Variants in DBX1 observed in about 807,000 individuals in gnomAD.
DBX1 encodes developing brain homeobox 1, also known as homeobox protein DBX1.
In DBX1, 10 loss-of-function variants were observed where a neutral mutation model predicts 20.8. That is an observed-to-expected ratio of 0.48 (90% confidence interval 0.30 to 0.82). The LOEUF (loss-of-function observed/expected upper bound fraction) is 0.82. DBX1 is among the 40% of genes least tolerant of loss of function. The pLI is 0.07. For missense variants in DBX1, 505 were observed against 468.8 expected (o/e 1.08, Z -0.71); for synonymous variants, 241 against 213.9 (o/e 1.13, Z -1.11).
chr11:20,157,111 A>G lies in DBX1; in HGVS notation c.598T>C (p.Phe200Leu). The change falls in exon 3 of 4, where the codon TTC (phenylalanine) becomes CTC (leucine). Residue 200 changes from phenylalanine to leucine, a missense_variant. Phe to Leu is a conservative substitution (Grantham distance 22). Coordinates refer to ENST00000524983, the MANE Select transcript of DBX1 (RefSeq NM_001029865.4). ...DVQRKALEKM[F>L]QKQKYISKPD... Reference sequence around the variant, plus strand: ...TTGCTGATGTACTTCTGCTTCTGGAACATCTTCTCCAGCGCCTTCCGCTGC... The same window carrying G: ...TTGCTGATGTACTTCTGCTTCTGGAGCATCTTCTCCAGCGCCTTCCGCTGC... The G allele has an allele frequency of 6.2e-7, 1 of 1,613,834 alleles. No individual in the cohort carries two copies. The highest frequency in any genetic ancestry group is 8.5e-7 in the Non-Finnish European group (1 of 1,179,978).
Position 20,160,037 on chromosome 11 carries a change from C to T in DBX1, c.288G>A (p.Pro96=), listed in dbSNP as rs745307504. The change falls in exon 1 of 4, where the codon CCG becomes CCA. Residue 96 remains proline (P), a synonymous_variant. Transcript: ENST00000524983. The stretch of plus-strand genomic sequence containing the variant: ...TCTCGCTGGCAGGGGAGAAGGCAGT[C>T]GGCGGAGAGCCGCCCCGTCGGCTGC... ...GPGSRRGGSP[P]TAFSPASETT... 11 of 1,599,278 alleles carry T rather than the reference C, an allele frequency of 6.9e-6. No homozygotes were observed. Among genetic ancestry groups the T allele is most frequent in the South Asian group, 4.5e-5 (4 of 88,880 alleles).
At chr11:20,158,858 G>T (rs939550061) in intron 2 of DBX1, among the ~76,000 whole-genome samples, 1 of 152,120 alleles carries the variant, frequency 6.6e-6, no homozygotes, top group African/African-American at 2.4e-5. Context: ...GTGGGGAATC[G>T]TGGCCAAGTG....
Position 20,156,262 on chromosome 11 carries a change from G to A in DBX1, c.984C>T (p.Ser328=). The change falls in exon 4 of 4, where the codon TCC becomes TCT. Residue 328 remains serine, a synonymous_variant. Coordinates refer to ENST00000524983, the MANE Select transcript of DBX1 (RefSeq NM_001029865.4). This position sits in a 1 kb window ranked among gnomAD's most constrained non-coding sequence, Gnocchi z 4.8. The part of the protein sequence containing the change: ...SPGKPSDFSD[S]EEEEEGEEQE... ...GTTCCTCGCCCTCCTCTTCCTCCTC[G>A]GAATCTGAGAAGTCCGAAGGTTTCC... The A allele has an allele frequency of 6.6e-7, 1 of 1,521,262 alleles. No individual in the cohort carries two copies. The highest frequency in any genetic ancestry group is 1.3e-5 in the South Asian group (1 of 75,460). 94.2% of individuals were successfully genotyped at this position (1,521,262 alleles called of 1,614,324 possible).
chr11:20,156,962 C>T lies in DBX1; in HGVS notation c.672+75G>A, dbSNP rs533529562. The T allele has an allele frequency of 6.0e-6, 9 of 1,506,526 alleles. No individual in the cohort carries two copies. Among genetic ancestry groups the T allele is most frequent in the South Asian group, 4.7e-5 (4 of 84,712 alleles). The allele number at this position is 1,506,526 out of a possible 1,614,324, so 93.3% of individuals were successfully genotyped here. A position where few individuals can be genotyped will look rare whatever the true frequency, so the allele number is the denominator to read the frequency against. ...GTGGGACCTAAGCCGTTTCCGAACC[C>T]TTGCAATTGACGGGTGCGCCGGGGA... is the stretch of plus-strand genomic sequence containing the variant. On this transcript the variant is annotated intron_variant, in intron 3 of 3. Coordinates refer to ENST00000524983, the MANE Select transcript of DBX1 (RefSeq NM_001029865.4). The surrounding 1 kb of genome is among the most constrained non-coding windows in gnomAD (Gnocchi z 4.8).
chr11:20,156,483 G>A lies in DBX1; in HGVS notation c.763C>T (p.Leu255=), dbSNP rs2063657560. 4 of 1,613,694 alleles carry A rather than the reference G, an allele frequency of 2.5e-6. No homozygotes were observed. The highest frequency in any genetic ancestry group is 2.7e-5 in the African/African-American group (2 of 74,956). ...LSSGGCREQT[L]PTKLNPHPDL... is the part of the protein sequence containing the mutation. ...GGGTGCGGATTGAGCTTGGTGGGCA[G>A]GGTCTGCTCGCGACAGCCCCCGCTA... The change falls in exon 4 of 4, where the codon CTG becomes TTG. Residue 255 remains leucine (L), a synonymous_variant. Transcript: ENST00000524983. This position sits in a 1 kb window ranked among gnomAD's most constrained non-coding sequence, Gnocchi z 4.8.
At position 20,156,625 on chromosome 11, in the gene DBX1, G is replaced by T. The variant is rs749248162; in HGVS notation, c.673-52C>A. On this transcript the variant is annotated intron_variant, in intron 3 of 3. Transcript: ENST00000524983. The surrounding 1 kb of genome is among the most constrained non-coding windows in gnomAD (Gnocchi z 4.8). Reference sequence around the variant, plus strand: ...AGGGAGAAGCAGAGGTCAGATCAGGGGCTCCGGGGGACGCACGGGGGCGGG... The same window carrying T: ...AGGGAGAAGCAGAGGTCAGATCAGGTGCTCCGGGGGACGCACGGGGGCGGG... The T allele has an allele frequency of 6.2e-7, 1 of 1,613,352 alleles. No individual in the cohort carries two copies. Among genetic ancestry groups the T allele is most frequent in the South Asian group, 1.1e-5 (1 of 90,780 alleles).
At position 20,160,363 on chromosome 11, in the gene DBX1, G is replaced by T. The variant is rs984570908; in HGVS notation, c.-39C>A. On this transcript the variant is annotated 5_prime_UTR_variant, in exon 1 of 4. Transcript: ENST00000524983. ...GGGCGAAATAACCCTTCTTTCAGTG[G>T]CCGGAGGGTAAACGCCTCGCTTCCC... 13 of 1,467,734 alleles carry T rather than the reference G, an allele frequency of 8.9e-6. No homozygotes were observed. The highest frequency in any genetic ancestry group is 5.0e-4 in the Middle Eastern group (2 of 4,022). 90.9% of individuals were successfully genotyped at this position (1,467,734 alleles called of 1,614,324 possible). A position where few individuals can be genotyped will look rare whatever the true frequency, so the allele number is the denominator to read the frequency against.
Position 20,156,583 on chromosome 11 carries a change from C to T in DBX1, c.673-10G>A, listed in dbSNP as rs764537967. 5.0e-6 allele frequency: 8 copies of T among 1,613,838 alleles called. No homozygotes were observed. The South Asian group carries it at 8.8e-5, about 18-fold the overall frequency. ...GGAACCAGATTTTCACCTGGAATGT[C>T]CCGGCCGGCGAGAAGAAGGGAGAAG... On this transcript the variant is annotated splice_polypyrimidine_tract_variant and intron_variant, in intron 3 of 3. Transcript: ENST00000524983. This position sits in a 1 kb window ranked among gnomAD's most constrained non-coding sequence, Gnocchi z 4.8.
At position 20,156,828 on chromosome 11, in the gene DBX1, G is replaced by C; in HGVS notation, c.672+209C>G. ...GTTGGGGGCCGGTGAGGCCGGGAGA[G>C]AAGGCGGGGAGTCGGGGTGGGGAGA... On this transcript the variant is annotated intron_variant, in intron 3 of 3. Coordinates refer to ENST00000524983, the MANE Select transcript of DBX1 (RefSeq NM_001029865.4). The surrounding 1 kb of genome is among the most constrained non-coding windows in gnomAD (Gnocchi z 4.8). 1 of 750,224 alleles carries C rather than the reference G, an allele frequency of 1.3e-6. No individual in the cohort carries two copies. The highest frequency in any genetic ancestry group is 2.2e-6 in the Non-Finnish European group (1 of 460,440). The allele number at this position is 750,224 out of a possible 1,614,324, so 46.5% of individuals were successfully genotyped here.
rs564403020 is a variant in DBX1 at position 20,156,870 on chromosome 11, C to T, written c.672+167G>A. 3.9e-5 allele frequency among the ~76,000 whole-genome samples: 6 copies of T among 152,162 alleles called. No homozygotes were observed. In the East Asian group the frequency reaches 1.2e-3, roughly 30 times the overall value. On this transcript the variant is annotated intron_variant, in intron 3 of 3. Coordinates refer to ENST00000524983, the MANE Select transcript of DBX1 (RefSeq NM_001029865.4). The surrounding 1 kb of genome is among the most constrained non-coding windows in gnomAD (Gnocchi z 4.8). ...GTGGGGAGAGAAGAGGGCTATCCTGCGGAGCTTCGAGGGTAGTGGCCCGTG... is the reference window on the plus strand; with the variant it reads ...GTGGGGAGAGAAGAGGGCTATCCTGTGGAGCTTCGAGGGTAGTGGCCCGTG...
rs745575231 is a variant in DBX1 at position 20,160,172 on chromosome 11, G to A, written c.153C>T (p.Pro51=). The change falls in exon 1 of 4, where the codon CCC becomes CCT. Residue 51 remains proline (P), a synonymous_variant. Transcript: ENST00000524983. ...TGGGCACGCTGCGGGGCAGGTAGGC[G>A]GGGGGTCGGCTGATGCGGATCAGAT... ...VEDLIRISRP[P]AYLPRSVPTA... 2 of 1,547,444 alleles carry A rather than the reference G, an allele frequency of 1.3e-6. No homozygotes were observed. Among genetic ancestry groups the A allele is most frequent in the Admixed American group, 2.0e-5 (1 of 50,898 alleles).
At chr11:20,157,391 G>C in intron 2 of DBX1, 152 bp from the exon 3 acceptor site, 2 of 728,762 alleles carry the variant, frequency 2.7e-6, no homozygotes, top group South Asian at 2.0e-5. Flanking sequence ...AAACCTGCGA[G>C]AGTGAAAGGC....
In DBX1 at chr11:20,160,288, A is replaced by C; in HGVS notation, c.37T>G (p.Tyr13Asp). 1 of 1,530,948 alleles carries C rather than the reference A, an allele frequency of 6.5e-7. No individual in the cohort carries two copies. The highest frequency in any genetic ancestry group is 1.4e-5 in the African/African-American group (1 of 72,510). The allele number at this position is 1,530,948 out of a possible 1,614,324, so 94.8% of individuals were successfully genotyped here. A position where few individuals can be genotyped will look rare whatever the true frequency, so the allele number is the denominator to read the frequency against. ...FPGLLAPPAG[Y>D]PSLLRPTPTL... ...GGCGTGGGCCGCAGGAGGCTAGGGT[A>C]CCCGGCGGGGGGCGCGAGGAGGCCG... Residue 13 changes from tyrosine to aspartate, a missense_variant, in exon 1 of 4, where the codon TAC (tyrosine) becomes GAC (aspartate). Tyr to Asp is a radical substitution (Grantham distance 160). Coordinates refer to ENST00000524983, the MANE Select transcript of DBX1 (RefSeq NM_001029865.4).
Position 20,156,814 on chromosome 11 carries a change from G to C in DBX1, c.672+223C>G, listed in dbSNP as rs1210963129. 1.4e-5 allele frequency: 11 copies of C among 773,598 alleles called. No individual in the cohort carries two copies. Among genetic ancestry groups the C allele is most frequent in the Non-Finnish European group, 2.3e-5 (11 of 477,148 alleles). 47.9% of individuals were successfully genotyped at this position (773,598 alleles called of 1,614,324 possible). On this transcript the variant is annotated intron_variant, in intron 3 of 3. Transcript: ENST00000524983. This position sits in a 1 kb window ranked among gnomAD's most constrained non-coding sequence, Gnocchi z 4.8. ...CCCCGAAGGGCGGGGTTGGGGGCCGGTGAGGCCGGGAGAGAAGGCGGGGAG... is the reference window on the plus strand; with the variant it reads ...CCCCGAAGGGCGGGGTTGGGGGCCGCTGAGGCCGGGAGAGAAGGCGGGGAG...
Position 20,160,275 on chromosome 11 carries a change from A to C in DBX1, c.50T>G (p.Leu17Arg). Residue 17 changes from leucine to arginine, a missense_variant, in exon 1 of 4, where the codon CTG (leucine) becomes CGG (arginine). Transcript: ENST00000524983. ...LAPPAGYPSL[L>R]RPTPTLTLPQ... ...CAGCGTCAAGGTGGGCGTGGGCCGCAGGAGGCTAGGGTACCCGGCGGGGGG... is the reference window on the plus strand; with the variant it reads ...CAGCGTCAAGGTGGGCGTGGGCCGCCGGAGGCTAGGGTACCCGGCGGGGGG... 6.5e-7 allele frequency: 1 copy of C among 1,540,132 alleles called. No homozygotes were observed. The highest frequency in any genetic ancestry group is 8.7e-7 in the Non-Finnish European group (1 of 1,144,804).
Position 20,156,990 on chromosome 11 carries a change from G to T in DBX1, c.672+47C>A. On this transcript the variant is annotated intron_variant, in intron 3 of 3. Coordinates refer to ENST00000524983, the MANE Select transcript of DBX1 (RefSeq NM_001029865.4). The surrounding 1 kb of genome is among the most constrained non-coding windows in gnomAD (Gnocchi z 4.8). ...GCAATTGACGGGTGCGCCGGGGAGG[G>T]GTGAAGGGCGGGGGCGGGGGGGGTG... 6.4e-7 allele frequency: 1 copy of T among 1,565,982 alleles called. No homozygotes were observed. The highest frequency in any genetic ancestry group is 8.7e-7 in the Non-Finnish European group (1 of 1,152,238).
Position 20,156,626 on chromosome 11 carries a change from G to T in DBX1, c.673-53C>A, listed in dbSNP as rs778618317. On this transcript the variant is annotated intron_variant, in intron 3 of 3. Coordinates refer to ENST00000524983, the MANE Select transcript of DBX1 (RefSeq NM_001029865.4). This position sits in a 1 kb window ranked among gnomAD's most constrained non-coding sequence, Gnocchi z 4.8. The stretch of plus-strand genomic sequence containing the variant: ...GGGAGAAGCAGAGGTCAGATCAGGG[G>T]CTCCGGGGGACGCACGGGGGCGGGG... 1.2e-6 allele frequency: 2 copies of T among 1,613,206 alleles called. No homozygotes were observed. Among genetic ancestry groups the T allele is most frequent in the African/African-American group, 2.7e-5 (2 of 74,942 alleles).
chr11:20,158,366 C>T (rs751660448), intron 2 of DBX1, among the ~76,000 whole-genome samples: 1 of 152,106 alleles, frequency 6.6e-6, no homozygotes, highest in Non-Finnish European at 1.5e-5. Flanking sequence ...CCCAGTTTTT[C>T]TTCTCTGTAT....
Position 20,156,438 on chromosome 11 carries a change from G to T in DBX1, c.808C>A (p.Gln270Lys). 6.2e-7 allele frequency: 1 copy of T among 1,608,928 alleles called. No individual in the cohort carries two copies. The highest frequency in any genetic ancestry group is 1.3e-5 in the African/African-American group (1 of 74,966). ...TCCTCTTCGTTCCCAGGGCCCTTCTGGCCCACGTCGCTGAGGTCCGGGTGC... is the reference window on the plus strand; with the variant it reads ...TCCTCTTCGTTCCCAGGGCCCTTCTTGCCCACGTCGCTGAGGTCCGGGTGC... The part of the protein sequence containing the change: ...NPHPDLSDVG[Q>K]KGPGNEEEEE... The change falls in exon 4 of 4, where the codon CAG becomes AAG. Residue 270 changes from glutamine to lysine, a missense_variant. Physicochemically the swap from Gln to Lys is moderately conservative, Grantham distance 53 (BLOSUM62 1). Coordinates refer to ENST00000524983, the MANE Select transcript of DBX1 (RefSeq NM_001029865.4). The surrounding 1 kb of genome is among the most constrained non-coding windows in gnomAD (Gnocchi z 4.8).
Sources: gnomAD v4.1 joint callset for allele counts (sites outside exome capture counted in the v4.1 genomes callset) on GRCh38, gnomAD v4.1.1 for gene constraint, Gnocchi (gnomAD v3.1) non-coding constraint, MANE v1.5 for transcripts, NCBI Gene and HGNC (gene_info 2026-07-23, HGNC 2026-07-21) for gene names.